DNAJB6: variants seen among roughly 807,000 people sequenced by gnomAD.
DNAJB6 encodes dnaJ homolog subfamily B member 6.
DNAJB6 carries 16 observed loss-of-function variants against 42.7 expected under a neutral mutation model. The observed-to-expected ratio is 0.37, with a 90% CI of 0.25 to 0.57. The LOEUF (loss-of-function observed/expected upper bound fraction) is 0.57, where lower values mean the gene tolerates loss of function less well. Ranked by LOEUF, DNAJB6 falls within the 20% of genes least tolerant of loss-of-function variation. The pLI is 0.74. For missense variants in DNAJB6, 347 were observed against 416.8 expected, an observed-to-expected ratio of 0.83 and a Z score of 1.46; for synonymous variants, 170 against 163.5, an observed-to-expected ratio of 1.04 and a Z score of -0.30.
Position 157,360,522 on chromosome 7 carries a change from T to C in DNAJB6, c.65+1885T>C, listed in dbSNP as rs192940545. Among the ~76,000 whole-genome samples, 18 of 152,230 alleles carry C rather than the reference T, an allele frequency of 1.2e-4. No homozygotes were observed. The East Asian group carries it at 3.3e-3, about 28-fold the overall frequency. On this transcript the variant is annotated intron_variant, in intron 2 of 9. Transcript: ENST00000262177. The stretch of plus-strand genomic sequence containing the variant: ...ATGATAGAGGTCATTAGAGAGTAGA[T>C]TGGTTTTAGTTGTTTCTGAGAACAT...
At chr7:157,391,655 GC>G (rs1351742870) in intron 8 of DNAJB6, among the ~76,000 whole-genome samples, 1 of 152,236 alleles carries the variant, frequency 6.6e-6, no homozygotes, top group Non-Finnish European at 1.5e-5. Context: ...CTGGGTCTCA[GC>G]CCAAGTCTTC....
At chr7:157,406,595 G>A (rs867398329) in intron 8 of DNAJB6, among the ~76,000 whole-genome samples, 11 of 152,186 alleles carry the variant, frequency 7.2e-5, no homozygotes, top group South Asian at 4.1e-4. Flanking sequence ...AGGATGGGGC[G>A]CAGGCATCCA....
chr7:157,367,853 C>A (rs1799918501), intron 5 of DNAJB6, among the ~76,000 whole-genome samples: 1 of 151,320 alleles, frequency 6.6e-6, no homozygotes, highest in South Asian at 2.1e-4. Flanking sequence ...GAGTGAAACT[C>A]CTGTCTCAAA....
intron 5 of DNAJB6, chr7:157,378,506 C>T (rs7791009): frequency 2.0e-5 from 3 of 152,236 alleles, no homozygotes; most frequent in African/African-American, 4.8e-5. Context: ...CATTGTAGCA[C>T]GCGCTGTATG....
At chr7:157,391,908 G>T (rs1231043233) in intron 8 of DNAJB6, among the ~76,000 whole-genome samples, 1 of 151,998 alleles carries the variant, frequency 6.6e-6, no homozygotes, top group African/African-American at 2.4e-5. Context: ...TTCAAGACCA[G>T]CCTGGGCAAC....
chr7:157,356,452 C>A (rs1391364269), intron 1 of DNAJB6, among the ~76,000 whole-genome samples: 1 of 152,192 alleles, frequency 6.6e-6, no homozygotes. Flanking sequence ...CCTGTCTTTT[C>A]TCTAGAGACT....
Position 157,384,918 on chromosome 7 carries a change from C to T in DNAJB6, c.530C>T (p.Ser177Phe). 1 of 1,613,772 alleles carries T rather than the reference C, an allele frequency of 6.2e-7. No individual in the cohort carries two copies. The highest frequency in any genetic ancestry group is 8.5e-7 in the Non-Finnish European group (1 of 1,179,892). The stretch of plus-strand genomic sequence containing the variant: ...CACGGGGGCCTCACTTCATTCTCTT[C>T]CACGTCATTTGGTGGTAGTGGCATG... ...LGHGGLTSFS[S>F]TSFGGSGMGN... Residue 177 changes from serine to phenylalanine, a missense_variant, in exon 7 of 10, where the codon TCC (serine) becomes TTC (phenylalanine). Ser to Phe is a radical substitution (Grantham distance 155, BLOSUM62 -2). Transcript: ENST00000262177.
intron 1 of DNAJB6, among the ~76,000 whole-genome samples, chr7:157,341,943 C>T (rs571931348): frequency 3.3e-5 from 5 of 151,912 alleles, no homozygotes; most frequent in Middle Eastern, 3.4e-3. Flanking sequence ...CTTGGCTCAC[C>T]GCAACCTCCA....
At chr7:157,364,285 C>A (rs1420483088) in intron 3 of DNAJB6, among the ~76,000 whole-genome samples, 1 of 152,012 alleles carries the variant, frequency 6.6e-6, no homozygotes, top group Non-Finnish European at 1.5e-5. Context: ...ACACCACCAG[C>A]CTTGCTTTCT....
intron 1 of DNAJB6, among the ~76,000 whole-genome samples, chr7:157,340,997 T>TGTGTGTGCGCGTGTGCGC (rs902019051): frequency 8.5e-6 from 1 of 118,298 alleles, no homozygotes; most frequent in African/African-American, 2.8e-5. Flanking sequence ...TGTGTGTGTG[T>TGTGTGTGCGCGTGTGCGC]GCGCGCGCGC....
At chr7:157,399,619 C>T (rs376646119) in intron 8 of DNAJB6, among the ~76,000 whole-genome samples, 1 of 152,136 alleles carries the variant, frequency 6.6e-6, no homozygotes, top group Non-Finnish European at 1.5e-5. Flanking sequence ...ACCTAACATA[C>T]CCCTGTTGCT....
At chr7:157,398,293 C>T (rs764844738) in intron 8 of DNAJB6, among the ~76,000 whole-genome samples, 1 of 152,178 alleles carries the variant, frequency 6.6e-6, no homozygotes, top group Non-Finnish European at 1.5e-5. Flanking sequence ...GCCAGGCATG[C>T]ATTTTTGGTT....
At chr7:157,394,663 C>T (rs894067925) in intron 8 of DNAJB6, among the ~76,000 whole-genome samples, 1 of 152,214 alleles carries the variant, frequency 6.6e-6, no homozygotes, top group East Asian at 1.9e-4. Context: ...TGCTTGTCTG[C>T]AGCTTTTTTG....
In DNAJB6 at chr7:157,353,392, CTG is replaced by C. The variant is rs532308170; in HGVS notation, c.-26-5152_-26-5151del. On this transcript the variant is annotated intron_variant, in intron 1 of 9. Coordinates refer to ENST00000262177, the MANE Select transcript of DNAJB6 (RefSeq NM_058246.4). Reference sequence around the variant, plus strand: ...CTTAATCTTTCTGTAACTGTGGTAACTGTGGTGAATTTCTCAAAAGTAAGCAG... The same window carrying C: ...CTTAATCTTTCTGTAACTGTGGTAACTGGTGAATTTCTCAAAAGTAAGCAG... 1.4e-3 allele frequency among the ~76,000 whole-genome samples: 207 copies of C among 152,260 alleles called. No homozygotes were observed. In the South Asian group the frequency reaches 0.018, roughly 13 times the overall value.
intron 5 of DNAJB6, among the ~76,000 whole-genome samples, chr7:157,372,901 G>A (rs1398594955): frequency 6.6e-6 from 1 of 152,158 alleles, no homozygotes; most frequent in African/African-American, 2.4e-5. Context: ...CCCATCCGAT[G>A]TTGACATCAT....
chr7:157,370,453 G>T (rs925625647), intron 5 of DNAJB6, among the ~76,000 whole-genome samples: 3 of 152,100 alleles, frequency 2.0e-5, no homozygotes, highest in African/African-American at 7.2e-5. Context: ...TTAACATTAT[G>T]ATTATTATTT....
intron 1 of DNAJB6, among the ~76,000 whole-genome samples, chr7:157,341,357 C>G (rs562926712): frequency 1.3e-5 from 2 of 152,146 alleles, no homozygotes; most frequent in African/African-American, 4.8e-5. Context: ...AACTCTTGAC[C>G]TCGTGATCCA....
rs1563128410 is a variant in DNAJB6, at chr7:157,369,864, T to TAA, written c.346+2381_346+2382insAA. On this transcript the variant is annotated intron_variant, in intron 5 of 9. Transcript: ENST00000262177. ...CGTTATTATTAAACGGGCCCCTTCT[T>TAA]CACATTATTATTAAACAGGCCCCTT... Among the ~76,000 whole-genome samples the TAA allele has an allele frequency of 1.3e-3, 197 of 147,858 alleles. 8 individuals carry two copies. The highest frequency in any genetic ancestry group is 3.5e-3 in the African/African-American group (131 of 37,968).
chr7:157,343,532 G>C (rs986904368), intron 1 of DNAJB6, among the ~76,000 whole-genome samples: 1 of 151,886 alleles, frequency 6.6e-6, no homozygotes, highest in African/African-American at 2.4e-5. Context: ...GCTGTGGTGT[G>C]ATCTCAGCTC....
Sources: gnomAD v4.1 joint callset for allele counts (sites outside exome capture counted in the v4.1 genomes callset) on GRCh38, gnomAD v4.1.1 for gene constraint, MANE v1.5 for transcripts, NCBI Gene and HGNC (gene_info 2026-07-23, HGNC 2026-07-21) for gene names.